TSPEAR: variants seen among roughly 807,000 people sequenced by gnomAD.
The protein encoded by TSPEAR is thrombospondin-type laminin G domain and EAR repeat-containing protein.
Under a neutral mutation model 71.6 loss-of-function variants are expected in TSPEAR, and 69 were observed. The ratio of observed to expected loss-of-function variants is 0.96; its 90% CI spans 0.79 to 1.18. The LOEUF (loss-of-function observed/expected upper bound fraction) is 1.18. Ranked by LOEUF, TSPEAR falls within the 50% of genes most tolerant of loss-of-function variation. The probability of loss-of-function intolerance (pLI) is 0.00; values close to 1 mark genes in which losing one functional copy is unlikely to be tolerated. For synonymous variants in TSPEAR, 402 were observed against 387.2 expected (o/e 1.04, Z -0.45); for missense variants, 971 against 894.9 (o/e 1.09, Z -1.09).
At chr21:44,604,139 C>G (rs1981161468) in intron 1 of TSPEAR, among the ~76,000 whole-genome samples, 1 of 152,192 alleles carries the variant, frequency 6.6e-6, no homozygotes, top group Admixed American at 6.5e-5. Flanking sequence ...CCTTGCCGGG[C>G]TATCTTGGAG....
At chr21:44,646,496 A>G (rs782369185) in intron 1 of TSPEAR, 1 of 1,611,682 alleles carries the variant, frequency 6.2e-7, no homozygotes, top group South Asian at 1.1e-5. Context: ...TCCAGCGCTT[A>G]CTCCGACTCC....
At chr21:44,557,709 A>T in intron 2 of TSPEAR, 1 of 328,714 alleles carries the variant, frequency 3.0e-6, no homozygotes, top group Non-Finnish European at 5.7e-6. Flanking sequence ...GCTCAAGGCC[A>T]GAGTCCCGAA....
intron 1 of TSPEAR, among the ~76,000 whole-genome samples, chr21:44,656,195 G>T (rs1985133703): frequency 6.6e-6 from 1 of 152,198 alleles, no homozygotes; most frequent in Non-Finnish European, 1.5e-5. Flanking sequence ...TTAAAAGTTG[G>T]TTGTCTTACG....
chr21:44,628,250 G>C (rs9979752), intron 1 of TSPEAR: 4 of 563,386 alleles, frequency 7.1e-6, no homozygotes, highest in Non-Finnish European at 1.2e-5. Flanking sequence ...TTCTCCTCAC[G>C]GTGCTTCCTG....
chr21:44,653,223 C>T (rs1289495344), intron 1 of TSPEAR, among the ~76,000 whole-genome samples: 2 of 152,154 alleles, frequency 1.3e-5, no homozygotes, highest in African/African-American at 2.4e-5. Flanking sequence ...TCTTATAGGG[C>T]GAGTGATGAT....
chr21:44,529,521 T>G (rs1555915445), intron 5 of TSPEAR, among the ~76,000 whole-genome samples: 1 of 152,176 alleles, frequency 6.6e-6, no homozygotes, highest in East Asian at 1.9e-4. Flanking sequence ...AGGCCTGTTT[T>G]CTGCCTGGGG....
At chr21:44,547,425 T>C (rs2053319343) in intron 2 of TSPEAR, among the ~76,000 whole-genome samples, 1 of 152,186 alleles carries the variant, frequency 6.6e-6, no homozygotes, top group South Asian at 2.1e-4. Flanking sequence ...TTTCCCCCCA[T>C]GAGTAGCTCA....
intron 1 of TSPEAR, among the ~76,000 whole-genome samples, chr21:44,650,623 C>T (rs1555941242): frequency 6.6e-6 from 1 of 152,270 alleles, no homozygotes; most frequent in East Asian, 1.9e-4. Context: ...GACGCCTTCA[C>T]CTCGGACTGC....
chr21:44,580,661 G>T, intron 1 of TSPEAR: 1 of 1,407,792 alleles, frequency 7.1e-7, no homozygotes, highest in Non-Finnish European at 9.8e-7. Flanking sequence ...GGGAGTGAGT[G>T]AGTGAGGTGC....
At chr21:44,676,922 G>C (rs782514273) in intron 1 of TSPEAR, 1 of 876,732 alleles carries the variant, frequency 1.1e-6, no homozygotes, top group East Asian at 2.4e-5. Flanking sequence ...CGATGTGCAC[G>C]GGCAATCAGG....
intron 1 of TSPEAR, among the ~76,000 whole-genome samples, chr21:44,700,472 T>C (rs1987597209): frequency 6.6e-6 from 1 of 152,044 alleles, no homozygotes; most frequent in Admixed American, 6.5e-5. Flanking sequence ...AGCAGAGACT[T>C]CCCAGAACCC....
chr21:44,525,619 T>C, intron 8 of TSPEAR, 34 bp downstream of exon 8: 1 of 1,606,856 alleles, frequency 6.2e-7, no homozygotes, highest in African/African-American at 1.3e-5. Context: ...CCTGGAATGG[T>C]TGCCTCCCGG....
At chr21:44,704,711 G>A (rs1424726352) in intron 1 of TSPEAR, among the ~76,000 whole-genome samples, 1 of 152,230 alleles carries the variant, frequency 6.6e-6, no homozygotes, top group Non-Finnish European at 1.5e-5. Flanking sequence ...CAGAAGAGGA[G>A]CCTCGGTGGG....
At chr21:44,543,090 C>T (rs1009765294) in intron 2 of TSPEAR, among the ~76,000 whole-genome samples, 12 of 151,776 alleles carry the variant, frequency 7.9e-5, no homozygotes, top group African/African-American at 2.9e-4. Flanking sequence ...CCTCTGGACA[C>T]CGAGAGGATA....
At chr21:44,534,800 G>T (rs2053059426) in intron 2 of TSPEAR, among the ~76,000 whole-genome samples, 1 of 152,208 alleles carries the variant, frequency 6.6e-6, no homozygotes, top group South Asian at 2.1e-4. Flanking sequence ...ATTCTCAAAA[G>T]AATCGAAAGA....
rs1485618562 is a variant in TSPEAR at position 44,649,646 on chromosome 21, A to C, written c.82+61787T>G. On this transcript the variant is annotated intron_variant, in intron 1 of 11. Coordinates refer to ENST00000323084, the MANE Select transcript of TSPEAR (RefSeq NM_144991.3). ...TGGGGGCCAAGCTTCCCATTCTTGG[A>C]ATTAGTGCAGGCATCCCCCATACAG... 2.6e-5 allele frequency among the ~76,000 whole-genome samples: 4 copies of C among 152,214 alleles called. No homozygotes were observed. The East Asian group carries it at 7.7e-4, about 29-fold the overall frequency.
At chr21:44,676,134 G>C in intron 1 of TSPEAR, 1 of 930,910 alleles carries the variant, frequency 1.1e-6, no homozygotes, top group Non-Finnish European at 1.8e-6. Flanking sequence ...GCTGAGGCGG[G>C]AATAGAAGCA....
intron 1 of TSPEAR, among the ~76,000 whole-genome samples, chr21:44,667,629 C>A (rs587767916): frequency 6.6e-6 from 1 of 152,166 alleles, no homozygotes; most frequent in African/African-American, 2.4e-5. Context: ...GTCCCATGGA[C>A]AGCCACAGCA....
At chr21:44,503,568 T>C (rs1569147977) in intron 11 of TSPEAR, among the ~76,000 whole-genome samples, 2 of 121,748 alleles carry the variant, frequency 1.6e-5, no homozygotes, top group African/African-American at 6.6e-5. Flanking sequence ...AGCAATGTGC[T>C]GGGAGGAAGC....
Sources: gnomAD v4.1 joint callset for allele counts (sites outside exome capture counted in the v4.1 genomes callset) on GRCh38, gnomAD v4.1.1 for gene constraint, MANE v1.5 for transcripts, NCBI Gene and HGNC (gene_info 2026-07-23, HGNC 2026-07-21) for gene names.